Variants in SEC14L3 observed in about 807,000 individuals in gnomAD.
SEC14L3 encodes the protein SEC14 like lipid binding 3.
Under a neutral mutation model 57.4 loss-of-function variants are expected in SEC14L3, and 56 were observed. That is an observed-to-expected ratio of 0.97 (90% confidence interval 0.79 to 1.22). The LOEUF is 1.22. Ranked by LOEUF, SEC14L3 falls within the 50% of genes most tolerant of loss-of-function variation. The probability of loss-of-function intolerance (pLI) is 0.00; values close to 1 mark genes in which losing one functional copy is unlikely to be tolerated. For missense variants in SEC14L3, 485 were observed against 511.7 expected (o/e 0.95, Z 0.50); for synonymous variants, 173 against 194.4 (o/e 0.89, Z 0.92).
chr22:30,455,119 T>A (rs867559874), downstream of SEC14L3, among the ~76,000 whole-genome samples: 109 of 78,168 alleles, frequency 1.4e-3, no homozygotes, highest in South Asian at 8.1e-3. Context: ...ATTTAATATT[T>A]AATATATATT....
At chr22:30,448,806 C>A in exon 13 of SEC14L3, 1 of 329,158 alleles carries the variant, frequency 3.0e-6, no homozygotes, top group Non-Finnish European at 5.6e-6. Flanking sequence ...AGGGGAGAAT[C>A]ACTTGAGCCC....
At chr22:30,465,057 T>A (rs1935376944) in intron 7 of SEC14L3, 154 bp from the exon 8 acceptor site, 13 of 705,078 alleles carry the variant, frequency 1.8e-5, no homozygotes, top group Non-Finnish European at 2.3e-5. Context: ...AACCAACCAG[T>A]CAACCAGCCA....
At chr22:30,470,655 C>T in intron 1 of SEC14L3, 73 bp from the exon 2 acceptor site, 2 of 1,604,200 alleles carry the variant, frequency 1.2e-6, no homozygotes, top group Non-Finnish European at 1.7e-6. Context: ...AGACTGTTTT[C>T]ACAACCTCTC....
At chr22:30,456,296 C>CT (rs1446887754), downstream of SEC14L3, among the ~76,000 whole-genome samples, 10 of 75,826 alleles carry the variant, frequency 1.3e-4, no homozygotes, top group Admixed American at 4.3e-4. Context: ...GAGACCCTGT[C>CT]TCCAAAAAAA....
At chr22:30,461,978 C>G in intron 9 of SEC14L3, 108 bp downstream of exon 9, 1 of 1,226,936 alleles carries the variant, frequency 8.2e-7, no homozygotes, top group Non-Finnish European at 1.2e-6. Context: ...AGCTTAACAC[C>G]CAGTTCTTGG....
intron 11 of SEC14L3, 72 bp downstream of exon 11, chr22:30,461,238 G>C: frequency 6.6e-7 from 1 of 1,515,788 alleles, no homozygotes; most frequent in South Asian, 1.3e-5. Flanking sequence ...CTGCCCCTCT[G>C]TTTCCTTCTC....
chr22:30,454,964 GATATATAATATATTATTA>G (rs1302896780), downstream of SEC14L3, among the ~76,000 whole-genome samples: 105 of 37,244 alleles, frequency 2.8e-3, no homozygotes, highest in African/African-American at 0.013. Flanking sequence ...TCATATAATA[GATATATAATATATTATTA>G]TATATTATAT....
At chr22:30,469,309 C>CAA (rs1238817554) in intron 4 of SEC14L3, among the ~76,000 whole-genome samples, 1 of 56,220 alleles carries the variant, frequency 1.8e-5, no homozygotes, top group Non-Finnish European at 3.0e-5. Context: ...AGACCCCATC[C>CAA]AAAAAAAAAA....
intron 7 of SEC14L3, 26 bp from the exon 8 acceptor site, chr22:30,464,929 G>C: frequency 6.2e-7 from 1 of 1,613,464 alleles, no homozygotes; most frequent in Non-Finnish European, 8.5e-7. Flanking sequence ...TAAGGATAAT[G>C]GGAAGAAAAG....
In SEC14L3 at chr22:30,467,064, A is replaced by G; in HGVS notation, c.437T>C (p.Ile146Thr). The stretch of plus-strand genomic sequence containing the variant: ...GTCAAATATCATCACGATGGTCTCA[A>G]TCTTCTTCCCTAGCTGCAAGGATGA... The part of the protein sequence containing the change: ...DLQTERLGKK[I>T]ETIVMIFDCE... Residue 146 changes from isoleucine to threonine, a missense_variant, in exon 6 of 12, where the codon ATT (isoleucine) becomes ACT (threonine). Ile to Thr is a moderately conservative substitution (Grantham distance 89, BLOSUM62 -1). Transcript: ENST00000215812. The G allele has an allele frequency of 1.2e-6, 2 of 1,614,070 alleles. No homozygotes were observed. Among genetic ancestry groups the G allele is most frequent in the Non-Finnish European group, 1.7e-6 (2 of 1,179,930 alleles).
exon 13 of SEC14L3, chr22:30,448,593 C>T (rs1934921995): frequency 6.8e-6 from 1 of 147,132 alleles, no homozygotes; most frequent in African/African-American, 2.5e-5. Context: ...AAAGCCCAGA[C>T]CAGGAGTGGT....
At chr22:30,456,577 C>T (rs1323542844), downstream of SEC14L3, among the ~76,000 whole-genome samples, 1 of 152,106 alleles carries the variant, frequency 6.6e-6, no homozygotes, top group Non-Finnish European at 1.5e-5. Flanking sequence ...AGAACTCACT[C>T]ATTATGGCGG....
chr22:30,448,969 C>T (rs1208530102), exon 13 of SEC14L3: 1 of 914,610 alleles, frequency 1.1e-6, no homozygotes, highest in Admixed American at 2.2e-5. Context: ...ATAGATAACC[C>T]CTCTTAGAAG....
downstream of SEC14L3, among the ~76,000 whole-genome samples, chr22:30,454,448 G>A (rs114962488): frequency 0.017 from 2,314 of 137,884 alleles, 68 homozygotes; most frequent in African/African-American, 0.06. Flanking sequence ...AGAAGACAAC[G>A]AAAAAATAAC....
At chr22:30,470,426 G>A (rs1935567804) in intron 2 of SEC14L3, 81 bp downstream of exon 2, 1 of 1,606,452 alleles carries the variant, frequency 6.2e-7, no homozygotes, top group Non-Finnish European at 8.5e-7. Context: ...GACCCTGAGA[G>A]CCATGAGACA....
chr22:30,468,484 C>T (rs1446750505), intron 5 of SEC14L3, 24 bp downstream of exon 5: 4 of 1,585,416 alleles, frequency 2.5e-6, no homozygotes, highest in Middle Eastern at 3.4e-4. Flanking sequence ...CCCAGCCATC[C>T]ACCCCACCTG....
At chr22:30,451,555 T>C (rs1210406442) in intron 12 of SEC14L3, among the ~76,000 whole-genome samples, 1 of 152,124 alleles carries the variant, frequency 6.6e-6, no homozygotes, top group Non-Finnish European at 1.5e-5. Flanking sequence ...AGAAAGAACT[T>C]GCTGAAAAGC....
chr22:30,457,333 T>C (rs1935135875), downstream of SEC14L3, among the ~76,000 whole-genome samples: 2 of 151,736 alleles, frequency 1.3e-5, no homozygotes, highest in South Asian at 4.2e-4. Context: ...GATGCATAGG[T>C]CAATTTTAAT....
intron 4 of SEC14L3, among the ~76,000 whole-genome samples, chr22:30,469,696 G>A (rs991067423): frequency 6.6e-6 from 1 of 152,188 alleles, no homozygotes; most frequent in Non-Finnish European, 1.5e-5. Context: ...AAACAGGCCT[G>A]AGCATAAATC....
Sources: gnomAD v4.1 joint callset for allele counts (sites outside exome capture counted in the v4.1 genomes callset) on GRCh38, gnomAD v4.1.1 for gene constraint, MANE v1.5 for transcripts, NCBI Gene and HGNC (gene_info 2026-07-23, HGNC 2026-07-21) for gene names.